TLK1: variants seen among roughly 807,000 people sequenced by gnomAD.
TLK1 encodes the protein tousled like kinase 1.
A neutral mutation model predicts 105.3 loss-of-function variants in TLK1; 24 were observed. The ratio of observed to expected loss-of-function variants is 0.23; its 90% CI spans 0.17 to 0.32. The LOEUF is 0.32. Among genes scored for constraint, TLK1 ranks in the 10% least tolerant of loss-of-function variants. TLK1 has a pLI of 1.00. For synonymous variants in TLK1, 321 were observed against 310.4 expected (o/e 1.03, Z -0.36); for missense variants, 558 against 910.5 (o/e 0.61, Z 4.98).
At chr2:171,081,433 G>A (rs545338463) in intron 3 of TLK1, among the ~76,000 whole-genome samples, 77 of 152,250 alleles carry the variant, frequency 5.1e-4, no homozygotes, top group South Asian at 3.1e-3. Context: ...CAGGAGGCAG[G>A]TGAAATTACT....
chr2:171,022,240 T>G (rs987407831), intron 12 of TLK1, among the ~76,000 whole-genome samples: 8 of 152,120 alleles, frequency 5.3e-5, no homozygotes, highest in African/African-American at 1.9e-4. Flanking sequence ...CCAGGATAGT[T>G]TGCAGGTCCA....
At chr2:171,133,214 G>A (rs1249159301) in intron 1 of TLK1, among the ~76,000 whole-genome samples, 4 of 152,188 alleles carry the variant, frequency 2.6e-5, no homozygotes. Flanking sequence ...GGACATGTTA[G>A]GCAGCCATCC....
chr2:171,037,345 GC>G (rs1236273701), intron 11 of TLK1, among the ~76,000 whole-genome samples: 1 of 151,678 alleles, frequency 6.6e-6, no homozygotes, highest in East Asian at 1.9e-4. Context: ...GGAGGCTGAG[GC>G]AGGAGAATCA....
chr2:171,197,562 T>A (rs1045317267), intron 1 of TLK1, among the ~76,000 whole-genome samples: 4 of 152,108 alleles, frequency 2.6e-5, no homozygotes, highest in Non-Finnish European at 5.9e-5. Flanking sequence ...GCAGATCACT[T>A]GAGGTCAGGA....
chr2:171,000,085 G>C (rs1684285790), intron 18 of TLK1, among the ~76,000 whole-genome samples: 1 of 152,062 alleles, frequency 6.6e-6, no homozygotes, highest in East Asian at 1.9e-4. Context: ...AAGTTAAAAA[G>C]TTAATTACTA....
intron 1 of TLK1, among the ~76,000 whole-genome samples, chr2:171,228,897 A>G (rs1446171291): frequency 6.6e-6 from 1 of 152,164 alleles, no homozygotes; most frequent in Non-Finnish European, 1.5e-5. Context: ...ATGCCTGCCT[A>G]CTCAACTCTG....
intron 10 of TLK1, among the ~76,000 whole-genome samples, chr2:171,049,312 G>C (rs1405720925): frequency 1.3e-5 from 2 of 151,904 alleles, no homozygotes; most frequent in East Asian, 3.8e-4. Context: ...ATAATAAATA[G>C]AGTTTACCTC....
intron 2 of TLK1, among the ~76,000 whole-genome samples, chr2:171,084,109 A>T (rs1688865467): frequency 6.6e-6 from 1 of 152,238 alleles, no homozygotes; most frequent in South Asian, 2.1e-4. Context: ...ACAAGTCAAC[A>T]ACAACCATAG....
intron 13 of TLK1, among the ~76,000 whole-genome samples, chr2:171,012,941 T>C (rs563833065): frequency 3.9e-5 from 6 of 152,162 alleles, no homozygotes; most frequent in Non-Finnish European, 8.8e-5. Context: ...GTAAGTCAGA[T>C]CCACAAAATT....
At chr2:171,027,675 A>C (rs1685839953) in intron 12 of TLK1, among the ~76,000 whole-genome samples, 1 of 152,258 alleles carries the variant, frequency 6.6e-6, no homozygotes, top group Admixed American at 6.5e-5. Context: ...AACATAAACA[A>C]TATGGAATTT....
At chr2:171,016,316 T>C (rs1685211639) in intron 12 of TLK1, among the ~76,000 whole-genome samples, 1 of 152,154 alleles carries the variant, frequency 6.6e-6, no homozygotes, top group South Asian at 2.1e-4. Context: ...TATTTTTTTG[T>C]AGAGATGGGG....
intron 1 of TLK1, among the ~76,000 whole-genome samples, chr2:171,131,576 T>C (rs1209083856): frequency 1.3e-5 from 2 of 152,232 alleles, no homozygotes; most frequent in Non-Finnish European, 2.9e-5. Flanking sequence ...ATTATATTTC[T>C]GACTTCATAT....
At chr2:171,088,632 G>A (rs1043612442) in intron 2 of TLK1, among the ~76,000 whole-genome samples, 1 of 152,158 alleles carries the variant, frequency 6.6e-6, no homozygotes, top group South Asian at 2.1e-4. Flanking sequence ...TATTTACAAA[G>A]AATCAGGAAT....
At chr2:171,157,083 G>A (rs1163852801) in intron 1 of TLK1, among the ~76,000 whole-genome samples, 1 of 152,168 alleles carries the variant, frequency 6.6e-6, no homozygotes, top group Non-Finnish European at 1.5e-5. Flanking sequence ...TGGGATTACA[G>A]GCTTGAGCCA....
chr2:171,193,213 G>A (rs1693188793), intron 1 of TLK1, among the ~76,000 whole-genome samples: 1 of 152,032 alleles, frequency 6.6e-6, no homozygotes, highest in Non-Finnish European at 1.5e-5. Flanking sequence ...AATACATGAG[G>A]CCAACAGCCA....
At chr2:171,129,712 G>A (rs531794731) in intron 1 of TLK1, among the ~76,000 whole-genome samples, 9 of 151,918 alleles carry the variant, frequency 5.9e-5, no homozygotes, top group East Asian at 3.9e-4. Flanking sequence ...ATGGTAGTCC[G>A]CACCTATAGT....
intron 1 of TLK1, among the ~76,000 whole-genome samples, chr2:171,206,601 T>C: frequency 6.6e-6 from 1 of 152,204 alleles, no homozygotes. Context: ...GACATGATAC[T>C]GGTTTATGTA....
chr2:171,040,435 T>C (rs1686607600), intron 11 of TLK1, among the ~76,000 whole-genome samples: 1 of 152,170 alleles, frequency 6.6e-6, no homozygotes, highest in Non-Finnish European at 1.5e-5. Context: ...GGGTTAGGTA[T>C]ATAGGAACTC....
chr2:171,105,834 T>C (rs1396220423), intron 2 of TLK1, among the ~76,000 whole-genome samples: 2 of 152,168 alleles, frequency 1.3e-5, no homozygotes, highest in African/African-American at 4.8e-5. Context: ...AACTACCATA[T>C]GATCCAGCAA....
Sources: allele counts gnomAD v4.1 joint callset (sites outside exome capture counted in the v4.1 genomes callset), GRCh38; gene constraint gnomAD v4.1.1; transcripts MANE v1.5; gene names NCBI Gene and HGNC (gene_info 2026-07-23, HGNC 2026-07-21).